Variants in TG observed in about 807,000 individuals in gnomAD.
The protein encoded by TG is thyroid hormones.
A neutral mutation model predicts 324.7 loss-of-function variants in TG; 270 were observed. That is an observed-to-expected ratio of 0.83 (90% CI 0.75 to 0.92). The LOEUF (loss-of-function observed/expected upper bound fraction) is 0.92, where lower values mean the gene tolerates loss of function less well. Among genes scored for constraint, TG ranks in the 40% least tolerant of loss-of-function variants. The pLI is 0.00. For synonymous variants in TG, 1,401 were observed against 1,327.0 expected (o/e 1.06, Z -1.21); for missense variants, 3,591 against 3,456.4 (o/e 1.04, Z -0.98).
At chr8:133,094,242 CTTTTTTTT>C (rs765931953) in intron 41 of TG, among the ~76,000 whole-genome samples, 1 of 126,574 alleles carries the variant, frequency 7.9e-6, no homozygotes, top group African/African-American at 2.9e-5. Context: ...CTGTCGTTTT[CTTTTTTTT>C]TTTTTTTTTT....
At chr8:133,084,168 A>C (rs1002543886) in intron 41 of TG, among the ~76,000 whole-genome samples, 2 of 152,180 alleles carry the variant, frequency 1.3e-5, no homozygotes, top group Non-Finnish European at 2.9e-5. Context: ...GAAGCAAAGA[A>C]AGGAGGGACG....
At chr8:133,050,778 G>A in intron 41 of TG, 1 of 1,307,650 alleles carries the variant, frequency 7.6e-7, no homozygotes, top group Non-Finnish European at 1.1e-6. Flanking sequence ...AGTTTATCCT[G>A]CTTTGAAGAT....
chr8:132,883,165 A>G, intron 8 of TG, 166 bp downstream of exon 8: 1 of 697,064 alleles, frequency 1.4e-6, no homozygotes, highest in Non-Finnish European at 2.4e-6. Context: ...ATTAACTTCC[A>G]ACATGTTTCT....
At chr8:132,987,062 G>GA (rs1028502165) in intron 35 of TG, among the ~76,000 whole-genome samples, 9 of 146,866 alleles carry the variant, frequency 6.1e-5, no homozygotes, top group South Asian at 2.2e-4. Flanking sequence ...ACCTACAAAA[G>GA]AAAAAAAAAA....
chr8:132,994,036 C>G (rs1832638141), intron 35 of TG, among the ~76,000 whole-genome samples: 1 of 152,146 alleles, frequency 6.6e-6, no homozygotes, highest in Non-Finnish European at 1.5e-5. Context: ...CTTCCTCTTT[C>G]TCTATAATTC....
At chr8:132,929,218 C>G in intron 23 of TG, 26 bp downstream of exon 23, 1 of 1,560,562 alleles carries the variant, frequency 6.4e-7, no homozygotes, top group Non-Finnish European at 8.8e-7. Context: ...GAGATATGCA[C>G]TCAGAAGAAG....
intron 20 of TG, among the ~76,000 whole-genome samples, chr8:132,914,103 A>C (rs984164952): frequency 6.6e-6 from 1 of 152,224 alleles, no homozygotes. Flanking sequence ...ACACAGCTGC[A>C]TGATTCAGGA....
chr8:133,027,292 C>A (rs139927521), intron 40 of TG, among the ~76,000 whole-genome samples: 2 of 152,196 alleles, frequency 1.3e-5, no homozygotes, highest in Admixed American at 6.5e-5. Context: ...CGGGGCAGAC[C>A]AGGGCGGGTG....
At chr8:133,028,602 C>A (rs1290549378) in intron 40 of TG, among the ~76,000 whole-genome samples, 3 of 152,188 alleles carry the variant, frequency 2.0e-5, no homozygotes, top group Non-Finnish European at 4.4e-5. Context: ...ATTTAGTCAA[C>A]AACCTTATGA....
At chr8:133,046,224 G>T (rs78804548) in intron 41 of TG, among the ~76,000 whole-genome samples, 1 of 152,220 alleles carries the variant, frequency 6.6e-6, no homozygotes, top group Non-Finnish European at 1.5e-5. Context: ...GGAGCTGATT[G>T]ATTATTTGCT....
chr8:132,977,588 A>G (rs547073552), intron 34 of TG, among the ~76,000 whole-genome samples: 10 of 152,280 alleles, frequency 6.6e-5, no homozygotes, highest in African/African-American at 2.2e-4. Flanking sequence ...ACGGAAGGCA[A>G]GCAGAAGCAA....
intron 43 of TG, chr8:133,106,434 G>A: frequency 1.0e-6 from 1 of 985,388 alleles, no homozygotes; most frequent in South Asian, 4.7e-5. Flanking sequence ...CCAGGATGGG[G>A]AAGCTCTTCT....
chr8:133,004,304 A>G (rs1167586153), intron 35 of TG, among the ~76,000 whole-genome samples: 1 of 152,178 alleles, frequency 6.6e-6, no homozygotes, highest in African/African-American at 2.4e-5. Flanking sequence ...GCTGCTGGGA[A>G]TGAGGGCTGA....
chr8:132,884,917 G>T (rs1462709730), intron 8 of TG, among the ~76,000 whole-genome samples: 3 of 152,198 alleles, frequency 2.0e-5, no homozygotes, highest in Non-Finnish European at 4.4e-5. Flanking sequence ...ACTAAGCAAA[G>T]CAGTAAACTT....
intron 44 of TG, among the ~76,000 whole-genome samples, chr8:133,114,624 C>T (rs947667466): frequency 6.6e-6 from 1 of 152,200 alleles, no homozygotes; most frequent in Admixed American, 6.5e-5. Context: ...ACAGGTGACG[C>T]ATCTTGGTTT....
At chr8:133,108,335 G>A (rs1226516314) in intron 43 of TG, among the ~76,000 whole-genome samples, 1 of 152,110 alleles carries the variant, frequency 6.6e-6, no homozygotes, top group Non-Finnish European at 1.5e-5. Flanking sequence ...GGTTCCAAGT[G>A]TTTGGGCTCA....
chr8:132,909,143 T>G (rs1286045740), intron 18 of TG, among the ~76,000 whole-genome samples: 1 of 152,100 alleles, frequency 6.6e-6, no homozygotes, highest in Non-Finnish European at 1.5e-5. Context: ...GATGGGAGTT[T>G]TACAGTCTTC....
At chr8:132,999,732 T>C (rs950874619) in intron 35 of TG, among the ~76,000 whole-genome samples, 2 of 152,216 alleles carry the variant, frequency 1.3e-5, no homozygotes, top group African/African-American at 4.8e-5. Flanking sequence ...AGGCCTACAA[T>C]ATTTACTACC....
chr8:133,037,767 G>A (rs2777), intron 41 of TG: 44,828 of 151,886 alleles, frequency 0.3, 6,779 homozygotes, highest in Non-Finnish European at 0.31. Context: ...CTCTGTCTGC[G>A]CTGCAAAGCC....
Sources: gnomAD v4.1 joint callset for allele counts (sites outside exome capture counted in the v4.1 genomes callset) on GRCh38, gnomAD v4.1.1 for gene constraint, MANE v1.5 for transcripts, NCBI Gene and HGNC (gene_info 2026-07-23, HGNC 2026-07-21) for gene names.